Variants in GABRA3 observed in about 807,000 individuals in gnomAD.
GABRA3 encodes gamma-aminobutyric acid receptor subunit alpha-3.
In GABRA3, 10 loss-of-function variants were observed where a neutral mutation model predicts 30.1. The observed-to-expected ratio is 0.33, with a 90% CI of 0.20 to 0.56. The LOEUF (loss-of-function observed/expected upper bound fraction) is 0.56, where lower values mean the gene tolerates loss of function less well. GABRA3 is among the 20% of genes least tolerant of loss of function. The pLI, the probability that GABRA3 is intolerant of heterozygous loss-of-function variation, is 0.89. For missense variants in GABRA3, 233 were observed against 392.0 expected, an observed-to-expected ratio of 0.59 and a Z score of 3.42; for synonymous variants, 151 against 146.8, an observed-to-expected ratio of 1.03 and a Z score of -0.21.
intron 3 of GABRA3, among the ~76,000 whole-genome samples, chrX:152,342,671 GA>G (rs1940332718): frequency 9.0e-6 from 1 of 111,627 alleles, no homozygotes; most frequent in Non-Finnish European, 1.9e-5. Flanking sequence ...CACTTTGTCA[GA>G]TATCAGATTT....
chrX:152,325,925 G>A (rs1329101979), intron 3 of GABRA3, among the ~76,000 whole-genome samples: 2 of 111,131 alleles, frequency 1.8e-5, no homozygotes, highest in African/African-American at 6.5e-5. Flanking sequence ...GAGGATGTTC[G>A]AACCCATCAC....
chrX:152,410,365 G>A (rs988110494), intron 1 of GABRA3, among the ~76,000 whole-genome samples: 3 of 111,336 alleles, frequency 2.7e-5, no homozygotes, highest in Non-Finnish European at 5.7e-5. Flanking sequence ...AAAAAAAAGT[G>A]AAATTGGAAT....
chrX:152,326,280 T>G (rs5925162), intron 3 of GABRA3, among the ~76,000 whole-genome samples: 75 of 111,799 alleles, frequency 6.7e-4, no homozygotes, highest in African/African-American at 1.8e-3. Flanking sequence ...AAAACACTCT[T>G]CAGGATATTA....
At chrX:152,287,855 G>C (rs147278502) in intron 3 of GABRA3, among the ~76,000 whole-genome samples, 2 of 109,413 alleles carry the variant, frequency 1.8e-5, no homozygotes, top group African/African-American at 6.7e-5. Flanking sequence ...TTACCTGCCA[G>C]ACTCTTTCCA....
rs146066513 is a variant in GABRA3 at position 152,199,481 on chromosome X, G to A, written c.779-1696C>T. On this transcript the variant is annotated intron_variant, in intron 7 of 9. Transcript: ENST00000370314. Reference sequence around the variant, plus strand: ...AGAAACTAGGGAGAGGCAAGGGACAGATTTTTCCCCTCAGAATCTCGAAAG... The same window carrying A: ...AGAAACTAGGGAGAGGCAAGGGACAAATTTTTCCCCTCAGAATCTCGAAAG... Among the ~76,000 whole-genome samples, 449 of 70,795 alleles carry A rather than the reference G, an allele frequency of 6.3e-3. 3 individuals carry two copies. Among genetic ancestry groups the A allele is most frequent in the African/African-American group, 0.021 (429 of 20,844 alleles). 61.5% of individuals were successfully genotyped at this position (70,795 alleles called of 115,157 possible). A position where few individuals can be genotyped will look rare whatever the true frequency, so the allele number is the denominator to read the frequency against.
chrX:152,446,594 A>G (rs950343588), intron 1 of GABRA3, among the ~76,000 whole-genome samples: 1 of 109,390 alleles, frequency 9.1e-6, no homozygotes, highest in Non-Finnish European at 1.9e-5. Context: ...CCACCCCTGA[A>G]TCTCTTTTAT....
In GABRA3 at chrX:152,428,743, G is replaced by T. The variant is rs189549672; in HGVS notation, c.-27+22403C>A. On this transcript the variant is annotated intron_variant, in intron 1 of 9. Transcript: ENST00000370314. ...TAAAATTGAGTATTTACTTATTTCT[G>T]CTTGGGTGTTAATGCAGCTGGAATG... Among the ~76,000 whole-genome samples, 450 of 111,562 alleles carry T rather than the reference G, an allele frequency of 4.0e-3. 1 individual carries two copies. The highest frequency in any genetic ancestry group is 0.013 in the African/African-American group (413 of 30,727).
intron 1 of GABRA3, among the ~76,000 whole-genome samples, chrX:152,413,227 T>A (rs968348399): frequency 1.8e-5 from 2 of 109,757 alleles, no homozygotes; most frequent in Admixed American, 2.0e-4. Flanking sequence ...GAATTTACCA[T>A]ATATTAAAAA....
At chrX:152,223,124 C>T (rs1276280885) in intron 6 of GABRA3, among the ~76,000 whole-genome samples, 8 of 111,814 alleles carry the variant, frequency 7.2e-5, no homozygotes, top group African/African-American at 2.6e-4. Flanking sequence ...AAGGCCAGAA[C>T]TGGCAAATGC....
chrX:152,243,347 C>T (rs1468906662), intron 5 of GABRA3, among the ~76,000 whole-genome samples: 2 of 111,863 alleles, frequency 1.8e-5, no homozygotes, highest in Non-Finnish European at 3.8e-5. Flanking sequence ...TACGTGTTCT[C>T]AGCACAAAAA....
At chrX:152,323,625 G>C (rs768383960) in intron 3 of GABRA3, among the ~76,000 whole-genome samples, 5 of 112,015 alleles carry the variant, frequency 4.5e-5, no homozygotes, top group Non-Finnish European at 7.5e-5. Context: ...TTATAAATGA[G>C]TAATATATTA....
chrX:152,248,928 A>G (rs1009044937), intron 5 of GABRA3, among the ~76,000 whole-genome samples: 2 of 112,056 alleles, frequency 1.8e-5, no homozygotes, highest in Non-Finnish European at 3.8e-5. Context: ...TGTTGTACAC[A>G]GTAAATACAA....
At chrX:152,395,722 C>T (rs768605203) in intron 1 of GABRA3, among the ~76,000 whole-genome samples, 1 of 111,555 alleles carries the variant, frequency 9.0e-6, no homozygotes, top group Non-Finnish European at 1.9e-5. Context: ...AATACAGGAA[C>T]AGTTGGATAT....
intron 1 of GABRA3, among the ~76,000 whole-genome samples, chrX:152,415,643 TATA>T (rs1481180289): frequency 9.0e-6 from 1 of 111,160 alleles, no homozygotes; most frequent in Non-Finnish European, 1.9e-5. Flanking sequence ...ATTGTTGCAA[TATA>T]ATAATATTAA....
chrX:152,261,911 C>T (rs1236339980), intron 4 of GABRA3, among the ~76,000 whole-genome samples: 1 of 112,711 alleles, frequency 8.9e-6, no homozygotes. Context: ...GAGTGTTCTG[C>T]CCCTGCAGCA....
intron 3 of GABRA3, among the ~76,000 whole-genome samples, chrX:152,320,483 A>G (rs1398860854): frequency 8.9e-6 from 1 of 111,895 alleles, no homozygotes; most frequent in African/African-American, 3.2e-5. Context: ...TGGAAAACCA[A>G]ACATCGTATG....
chrX:152,186,705 C>T (rs775449590), intron 9 of GABRA3: 2 of 108,703 alleles, frequency 1.8e-5, no homozygotes, highest in Admixed American at 2.0e-4. Flanking sequence ...CACTGCAGTC[C>T]GAACTTCCCA....
chrX:152,349,366 C>G (rs375540249), intron 2 of GABRA3, among the ~76,000 whole-genome samples: 111 of 110,358 alleles, frequency 1.0e-3, no homozygotes, highest in East Asian at 6.0e-3. Flanking sequence ...AAAATGTAAA[C>G]ACCATCGAGA....
At chrX:152,196,232 CA>C (rs540657110) in intron 8 of GABRA3, among the ~76,000 whole-genome samples, 27,290 of 71,911 alleles carry the variant, frequency 0.38, 4,203 homozygotes, top group African/African-American at 0.56. Flanking sequence ...ACTAAAAATA[CA>C]AAAAAAAAAA....
Sources: allele counts gnomAD v4.1 joint callset (sites outside exome capture counted in the v4.1 genomes callset), GRCh38; gene constraint gnomAD v4.1.1; transcripts MANE v1.5; gene names NCBI Gene and HGNC (gene_info 2026-07-23, HGNC 2026-07-21).